The following RPA1 variants were observed in gnomAD, a reference collection of about 807,000 sequenced individuals.
RPA1 encodes the protein replication protein A 70 kDa DNA-binding subunit.
RPA1 carries 49 observed loss-of-function variants against 83.0 expected under a neutral mutation model. The observed-to-expected ratio is 0.59, with a 90% CI of 0.47 to 0.75. The LOEUF (loss-of-function observed/expected upper bound fraction) is 0.75. Ranked by LOEUF, RPA1 falls within the 30% of genes least tolerant of loss-of-function variation. The pLI, the probability that RPA1 is intolerant of heterozygous loss-of-function variation, is 0.00. For synonymous variants in RPA1, 279 were observed against 281.8 expected, an observed-to-expected ratio of 0.99 and a Z score of 0.10; for missense variants, 693 against 776.1, an observed-to-expected ratio of 0.89 and a Z score of 1.27.
At chr17:1,859,096 T>C (rs1388089932) in intron 5 of RPA1, among the ~76,000 whole-genome samples, 1 of 151,940 alleles carries the variant, frequency 6.6e-6, no homozygotes, top group Non-Finnish European at 1.5e-5. Context: ...AAAGACAGGG[T>C]TTTGCCGTGT....
At chr17:1,873,832 A>G (rs1360986044) in intron 6 of RPA1, among the ~76,000 whole-genome samples, 2 of 151,482 alleles carry the variant, frequency 1.3e-5, no homozygotes, top group Non-Finnish European at 2.9e-5. Flanking sequence ...ATCTCTACTA[A>G]AAGTACAAAA....
At chr17:1,861,023 C>G (rs1307848423) in intron 5 of RPA1, among the ~76,000 whole-genome samples, 1 of 152,164 alleles carries the variant, frequency 6.6e-6, no homozygotes, top group Non-Finnish European at 1.5e-5. Context: ...TTTTTCCCAT[C>G]TGACTGGTAG....
At chr17:1,841,494 G>T (rs1251722626) in intron 1 of RPA1, among the ~76,000 whole-genome samples, 2 of 152,070 alleles carry the variant, frequency 1.3e-5, no homozygotes, top group Admixed American at 6.6e-5. Flanking sequence ...GATGGAAACA[G>T]GGTTTCACCA....
intron 4 of RPA1, among the ~76,000 whole-genome samples, chr17:1,846,158 G>A (rs1053296420): frequency 7.9e-5 from 12 of 151,898 alleles, no homozygotes; most frequent in African/African-American, 2.9e-4. Context: ...TTATCAGCCT[G>A]TTGGTCTTTA....
intron 14 of RPA1, among the ~76,000 whole-genome samples, chr17:1,889,963 G>T (rs1914144107): frequency 6.6e-6 from 1 of 152,014 alleles, no homozygotes; most frequent in South Asian, 2.1e-4. Flanking sequence ...TCACACCACT[G>T]CACTCCAGCC....
At chr17:1,867,458 A>G (rs1913219045) in intron 5 of RPA1, among the ~76,000 whole-genome samples, 1 of 152,054 alleles carries the variant, frequency 6.6e-6, no homozygotes, top group Non-Finnish European at 1.5e-5. Flanking sequence ...TTCAGTCCCA[A>G]CACTTTGGGA....
At chr17:1,854,588 C>G (rs1163787013) in intron 5 of RPA1, among the ~76,000 whole-genome samples, 1 of 152,068 alleles carries the variant, frequency 6.6e-6, no homozygotes, top group Non-Finnish European at 1.5e-5. Flanking sequence ...CCTGTAGTCT[C>G]AGCTACTTGG....
intron 4 of RPA1, among the ~76,000 whole-genome samples, chr17:1,848,339 C>T (rs1213021088): frequency 6.6e-6 from 1 of 151,906 alleles, no homozygotes; most frequent in East Asian, 2.0e-4. Flanking sequence ...CAGCCAGGCA[C>T]GGTGGCTCAT....
intron 4 of RPA1, among the ~76,000 whole-genome samples, chr17:1,845,414 C>G (rs1399282259): frequency 6.6e-6 from 1 of 151,690 alleles, no homozygotes; most frequent in African/African-American, 2.4e-5. Context: ...GCACACGCTA[C>G]AGTCCTAGCT....
rs559744481 is a variant in RPA1 at position 1,878,980 on chromosome 17, C to T, written c.691-13C>T. On this transcript the variant is annotated splice_polypyrimidine_tract_variant and intron_variant, in intron 8 of 16. Transcript: ENST00000254719. ...CAATCCCGCAGCCCTAACCTGCCCACGTGCTTCTGCAGGGTGAAATCCGAG... is the reference window on the plus strand; with the variant it reads ...CAATCCCGCAGCCCTAACCTGCCCATGTGCTTCTGCAGGGTGAAATCCGAG... The T allele has an allele frequency of 3.8e-5, 62 of 1,614,148 alleles. No individual in the cohort carries two copies. Among genetic ancestry groups the T allele is most frequent in the South Asian group, 2.4e-4 (22 of 91,080 alleles).
At chr17:1,858,907 T>TA (rs1555589619) in intron 5 of RPA1, among the ~76,000 whole-genome samples, 7 of 82,520 alleles carry the variant, frequency 8.5e-5, no homozygotes, top group African/African-American at 2.3e-4. Context: ...TTATTTTATT[T>TA]TTTTTTTTTT....
chr17:1,892,011 ATTTT>A, intron 15 of RPA1, 71 bp downstream of exon 15: 2 of 842,292 alleles, frequency 2.4e-6, no homozygotes, highest in Non-Finnish European at 3.4e-6. Context: ...GACCCCACAC[ATTTT>A]TTTTTTTTTG....
intron 7 of RPA1, among the ~76,000 whole-genome samples, chr17:1,876,660 C>T (rs984578571): frequency 7.2e-5 from 11 of 152,124 alleles, no homozygotes; most frequent in East Asian, 1.9e-4. Context: ...TACTCTGTAA[C>T]GTAGGAAAGA....
chr17:1,857,468 C>G (rs1384448079), intron 5 of RPA1, among the ~76,000 whole-genome samples: 2 of 151,790 alleles, frequency 1.3e-5, no homozygotes, highest in African/African-American at 2.4e-5. Context: ...AGCAGCTGCT[C>G]CAAGAACTAA....
chr17:1,857,428 G>T (rs1425923784), intron 5 of RPA1, among the ~76,000 whole-genome samples: 1 of 151,804 alleles, frequency 6.6e-6, no homozygotes, highest in South Asian at 2.1e-4. Flanking sequence ...GATCTTCCTC[G>T]TGTCCAAAGC....
chr17:1,862,265 G>T (rs1173955759), intron 5 of RPA1, among the ~76,000 whole-genome samples: 4 of 142,254 alleles, frequency 2.8e-5, no homozygotes, highest in African/African-American at 1.1e-4. Flanking sequence ...GAACTCCTGG[G>T]CTCAAGCAAT....
chr17:1,859,224 G>C (rs781349096), intron 5 of RPA1, among the ~76,000 whole-genome samples: 3 of 152,130 alleles, frequency 2.0e-5, no homozygotes, highest in Non-Finnish European at 4.4e-5. Context: ...TTTATGTCCA[G>C]ATTATGGTCT....
At chr17:1,855,237 A>G (rs1377302609) in intron 5 of RPA1, among the ~76,000 whole-genome samples, 1 of 151,830 alleles carries the variant, frequency 6.6e-6, no homozygotes, top group East Asian at 1.9e-4. Context: ...TTCTAGGCTC[A>G]CTGCAACCTC....
chr17:1,895,302 G>A (rs1457546517), intron 16 of RPA1, among the ~76,000 whole-genome samples: 4 of 151,726 alleles, frequency 2.6e-5, no homozygotes, highest in South Asian at 2.1e-4. Flanking sequence ...CAATGGCGGG[G>A]GGGTGGGGAA....
Sources: gnomAD v4.1 joint callset for allele counts (sites outside exome capture counted in the v4.1 genomes callset) on GRCh38, gnomAD v4.1.1 for gene constraint, MANE v1.5 for transcripts, NCBI Gene and HGNC (gene_info 2026-07-23, HGNC 2026-07-21) for gene names.